The following GLP1R variants were observed in gnomAD, a reference collection of about 807,000 sequenced individuals.
GLP1R encodes glucagon like peptide 1 receptor, also known as glucagon-like peptide 1 receptor.
In GLP1R, 32 loss-of-function variants were observed where a neutral mutation model predicts 68.4. That is an observed-to-expected ratio of 0.47 (90% confidence interval 0.35 to 0.63). The LOEUF (loss-of-function observed/expected upper bound fraction) is 0.63. Ranked by LOEUF, GLP1R falls within the 20% of genes least tolerant of loss-of-function variation. The pLI is 0.00. For missense variants in GLP1R, 502 were observed against 594.9 expected, an observed-to-expected ratio of 0.84 and a Z score of 1.62; for synonymous variants, 263 against 244.4, an observed-to-expected ratio of 1.08 and a Z score of -0.71.
At chr6:39,074,406 G>A (rs1768759758) in intron 7 of GLP1R, 1 of 152,096 alleles carries the variant, frequency 6.6e-6, no homozygotes, top group Non-Finnish European at 1.5e-5. Context: ...CTCACCACGT[G>A]GGATTGTAAT....
chr6:39,079,130 G>T lies in GLP1R; in HGVS notation c.973G>T (p.Val325Phe). The change falls in exon 10 of 13, where the codon GTT becomes TTT. Residue 325 changes from valine to phenylalanine, a missense_variant. By Grantham distance (50) the Val-to-Phe change is conservative. Transcript: ENST00000373256. The surrounding 1 kb of genome is among the most constrained non-coding windows in gnomAD (Gnocchi z 4.5). The stretch of plus-strand genomic sequence containing the variant: ...CCCGCAGGTGAACTTCCTCATCTTT[G>T]TTCGGGTCATCTGCATCGTGGTATC... ...FAIGVNFLIF[V>F]RVICIVVSKL... 2 of 1,614,112 alleles carry T rather than the reference G, an allele frequency of 1.2e-6. No homozygotes were observed. The highest frequency in any genetic ancestry group is 1.7e-6 in the Non-Finnish European group (2 of 1,179,988).
chr6:39,059,730 A>G (rs1044147570), intron 3 of GLP1R, among the ~76,000 whole-genome samples: 1 of 152,078 alleles, frequency 6.6e-6, no homozygotes, highest in South Asian at 2.1e-4. Context: ...TCTGCCTCCC[A>G]TAGATTTGAG....
chr6:39,075,508 G>A (rs1400865829), intron 7 of GLP1R, among the ~76,000 whole-genome samples: 1 of 152,206 alleles, frequency 6.6e-6, no homozygotes, highest in Non-Finnish European at 1.5e-5. Flanking sequence ...CTGAGTGGGA[G>A]ATGGGGGAGG....
chr6:39,051,103 A>T (rs1011282399), intron 1 of GLP1R, among the ~76,000 whole-genome samples: 1 of 152,140 alleles, frequency 6.6e-6, no homozygotes, highest in African/African-American at 2.4e-5. Context: ...CTGGTGAGGG[A>T]GCGGGCCTAC....
intron 7 of GLP1R, among the ~76,000 whole-genome samples, chr6:39,075,378 C>T (rs913413408): frequency 2.6e-5 from 4 of 152,184 alleles, no homozygotes; most frequent in African/African-American, 9.7e-5. Flanking sequence ...ATAGCATCAG[C>T]GCTGTTAGTG....
chr6:39,066,240 C>T lies in GLP1R; in HGVS notation c.446C>T (p.Thr149Met), dbSNP rs367543060. Residue 149 changes from threonine to methionine, a missense_variant, in exon 5 of 13, where the codon ACG becomes ATG. By Grantham distance (81) the Thr-to-Met change is moderately conservative. Coordinates refer to ENST00000373256, the MANE Select transcript of GLP1R (RefSeq NM_002062.5). Reference protein sequence around the residue: ...EQLLFLYIIYTVGYALSFSAL... With the variant: ...EQLLFLYIIYMVGYALSFSAL... ...CTCCTGTTCCTCTACATCATCTACA[C>T]GGTGGGCTACGCACTCTCCTTCTCT... 12 of 1,612,772 alleles carry T rather than the reference C, an allele frequency of 7.4e-6. No individual in the cohort carries two copies. The highest frequency in any genetic ancestry group is 2.7e-5 in the African/African-American group (2 of 74,918).
intron 1 of GLP1R, among the ~76,000 whole-genome samples, chr6:39,051,945 A>G (rs1483740587): frequency 2.0e-5 from 3 of 150,396 alleles, no homozygotes; most frequent in African/African-American, 4.9e-5. Flanking sequence ...GTGTGTGTCT[A>G]TATGTGCAGG....
intron 5 of GLP1R, among the ~76,000 whole-genome samples, chr6:39,071,092 A>G (rs927478726): frequency 1.3e-5 from 2 of 152,194 alleles, no homozygotes; most frequent in African/African-American, 4.8e-5. Flanking sequence ...CACGCCAGTA[A>G]TCCCAGCACT....
intron 5 of GLP1R, among the ~76,000 whole-genome samples, chr6:39,067,593 T>G (rs563461641): frequency 3.7e-4 from 57 of 152,216 alleles, no homozygotes; most frequent in Admixed American, 6.5e-4. Context: ...CTTTTCATAC[T>G]ATTGCCTTGG....
chr6:39,063,280 C>A (rs1768395080), intron 3 of GLP1R, among the ~76,000 whole-genome samples: 2 of 152,190 alleles, frequency 1.3e-5, no homozygotes, highest in Admixed American at 1.3e-4. Flanking sequence ...GATTTTGCCT[C>A]ACGTCAGAAG....
intron 7 of GLP1R, among the ~76,000 whole-genome samples, chr6:39,074,793 C>T (rs1404015338): frequency 1.3e-5 from 2 of 152,182 alleles, no homozygotes; most frequent in Admixed American, 6.5e-5. Context: ...CTTCCCACAC[C>T]AGGGTGTCCG....
chr6:39,080,033 G>A (rs1049468955), intron 11 of GLP1R, among the ~76,000 whole-genome samples: 2 of 152,208 alleles, frequency 1.3e-5, no homozygotes, highest in African/African-American at 4.8e-5. Flanking sequence ...ACAGAACCCA[G>A]GAGATGTGCA....
In GLP1R at chr6:39,073,785, A is replaced by C; in HGVS notation, c.823+16A>C. On this transcript the variant is annotated intron_variant, in intron 7 of 12. Transcript: ENST00000373256. ...ATAGGCTGGGGTAAGAACCGCCATCACCCACCCTGGACCTGTGGCACGGGG... is the reference window on the plus strand; with the variant it reads ...ATAGGCTGGGGTAAGAACCGCCATCCCCCACCCTGGACCTGTGGCACGGGG... The C allele has an allele frequency of 6.2e-7, 1 of 1,612,238 alleles. No individual in the cohort carries two copies. The highest frequency in any genetic ancestry group is 8.5e-7 in the Non-Finnish European group (1 of 1,178,832).
Position 39,089,521 on chromosome 6 carries a change from G to A in GLP1R, c.*3448G>A, listed in dbSNP as rs1455817359. Among the ~76,000 whole-genome samples the A allele has an allele frequency of 6.6e-6, 1 of 152,188 alleles. No homozygotes were observed. Among genetic ancestry groups the A allele is most frequent in the African/African-American group, 2.4e-5 (1 of 41,444 alleles). ...GTCTTGGCCACTCTCATCAGGGTTG[G>A]CTGTGTACTATCCAGCAGCTCACAG... On this transcript the variant is annotated 3_prime_UTR_variant, in exon 13 of 13. Coordinates refer to ENST00000373256, the MANE Select transcript of GLP1R (RefSeq NM_002062.5). The surrounding 1 kb of genome is among the most constrained non-coding windows in gnomAD (Gnocchi z 4.1).
intron 12 of GLP1R, among the ~76,000 whole-genome samples, chr6:39,084,745 C>G (rs888694254): frequency 2.0e-5 from 3 of 152,226 alleles, no homozygotes; most frequent in African/African-American, 7.2e-5. Flanking sequence ...AGCCTCTGGG[C>G]CATCTCAACT....
intron 12 of GLP1R, among the ~76,000 whole-genome samples, chr6:39,085,011 A>G (rs150058270): frequency 0.029 from 4,389 of 152,170 alleles, 90 homozygotes; most frequent in Middle Eastern, 0.068. Context: ...AAGCAAATGT[A>G]TGGGAACATC....
In GLP1R at chr6:39,090,833, G is replaced by A. The variant is rs1163337534; in HGVS notation, c.*4760G>A. Reference sequence around the variant, plus strand: ...CAATTTGAAACATATAAAAAGTTGAGTTCTTTGCAGGGGAGCCAACGGGGG... The same window carrying A: ...CAATTTGAAACATATAAAAAGTTGAATTCTTTGCAGGGGAGCCAACGGGGG... On this transcript the variant is annotated 3_prime_UTR_variant, in exon 13 of 13. Coordinates refer to ENST00000373256, the MANE Select transcript of GLP1R (RefSeq NM_002062.5). 6.6e-6 allele frequency among the ~76,000 whole-genome samples: 1 copy of A among 152,192 alleles called. No individual in the cohort carries two copies. Among genetic ancestry groups the A allele is most frequent in the Admixed American group, 6.5e-5 (1 of 15,282 alleles).
chr6:39,064,146 G>A (rs993377939), intron 3 of GLP1R, among the ~76,000 whole-genome samples: 2 of 151,946 alleles, frequency 1.3e-5, no homozygotes, highest in African/African-American at 2.4e-5. Context: ...TGGGACTACA[G>A]GCGCACGCCA....
chr6:39,077,712 T>C (rs996852943), intron 7 of GLP1R, among the ~76,000 whole-genome samples: 5 of 151,906 alleles, frequency 3.3e-5, no homozygotes, highest in Non-Finnish European at 7.4e-5. Flanking sequence ...ACAAGTCAAG[T>C]CTCAGCCGAG....
Sources: gnomAD v4.1 joint callset for allele counts (sites outside exome capture counted in the v4.1 genomes callset) on GRCh38, gnomAD v4.1.1 for gene constraint, Gnocchi (gnomAD v3.1) non-coding constraint, MANE v1.5 for transcripts, NCBI Gene and HGNC (gene_info 2026-07-23, HGNC 2026-07-21) for gene names.